PDK4: variants seen among roughly 807,000 people sequenced by gnomAD.
PDK4 encodes pyruvate dehydrogenase kinase, isozyme 4.
PDK4 carries 43 observed loss-of-function variants against 51.7 expected under a neutral mutation model. The observed-to-expected ratio is 0.83, with a 90% CI of 0.65 to 1.07. PDK4 has a LOEUF of 1.07. PDK4 is among the 50% of genes least tolerant of loss of function. PDK4 has a pLI of 0.00. For synonymous variants in PDK4, 170 were observed against 176.6 expected (o/e 0.96, Z 0.30); for missense variants, 498 against 503.5 (o/e 0.99, Z 0.10).
intron 2 of PDK4, chr7:95,594,813 T>C (rs1042128736): frequency 7.6e-5 from 26 of 343,278 alleles, no homozygotes; most frequent in Non-Finnish European, 1.3e-4. Flanking sequence ...TATAAAGTAA[T>C]CTACTTTTTC....
At position 95,585,719 on chromosome 7, in the gene PDK4, A is replaced by G. The variant is rs758770873; in HGVS notation, c.1158T>C (p.Tyr386=). 2 of 1,610,182 alleles carry G rather than the reference A, an allele frequency of 1.2e-6. No individual in the cohort carries two copies. The highest frequency in any genetic ancestry group is 1.1e-5 in the South Asian group (1 of 90,740). ...PVFNKSAFKH[Y]QMSSEADDWC... ...AGTCATCAGCCTCAGAGCTCATCTG[A>G]TAATGTTTGAAGGCTGACTTGTTAA... The change falls in exon 11 of 11, where the codon TAT becomes TAC. Residue 386 remains tyrosine, a synonymous_variant. Coordinates refer to ENST00000005178, the MANE Select transcript of PDK4 (RefSeq NM_002612.4).
intron 6 of PDK4, among the ~76,000 whole-genome samples, chr7:95,590,679 T>C (rs1791541968): frequency 6.6e-6 from 1 of 152,230 alleles, no homozygotes; most frequent in Non-Finnish European, 1.5e-5. Flanking sequence ...CCTAATCTGT[T>C]AGGCTACTCT....
At chr7:95,593,828 G>A in intron 2 of PDK4, 58 bp from the exon 3 acceptor site, 2 of 721,820 alleles carry the variant, frequency 2.8e-6, no homozygotes, top group African/African-American at 1.8e-5. Context: ...ACAAATGGCT[G>A]AAAATAGAAT....
intron 1 of PDK4, 99 bp from the exon 2 acceptor site, chr7:95,595,263 A>G (rs1426253124): frequency 1.4e-6 from 1 of 711,650 alleles, no homozygotes; most frequent in Non-Finnish European, 2.2e-6. Flanking sequence ...CATATATTAT[A>G]AAATTATATT....
chr7:95,586,943 G>T, intron 10 of PDK4, 67 bp downstream of exon 10: 1 of 854,824 alleles, frequency 1.2e-6, no homozygotes, highest in Non-Finnish European at 2.0e-6. Flanking sequence ...CCAGACCATA[G>T]CACTCAAGGC....
At chr7:95,593,338 A>G (rs1442757559) in intron 3 of PDK4, among the ~76,000 whole-genome samples, 1 of 152,132 alleles carries the variant, frequency 6.6e-6, no homozygotes, top group Non-Finnish European at 1.5e-5. Context: ...TTATTTAGGT[A>G]GCTAGAAACT....
chr7:95,591,980 T>G lies in PDK4; in HGVS notation c.694+8A>C. 7 of 1,363,036 alleles carry G rather than the reference T, an allele frequency of 5.1e-6. No individual in the cohort carries two copies. Among genetic ancestry groups the G allele is most frequent in the Non-Finnish European group, 7.2e-6 (7 of 974,056 alleles). 84.4% of individuals were successfully genotyped at this position (1,363,036 alleles called of 1,614,324 possible). Reference sequence around the variant, plus strand: ...CACAGGTTAAAATATATTTTACTTATAACTTACCATTCACTTGTGTAAGCT... The same window carrying G: ...CACAGGTTAAAATATATTTTACTTAGAACTTACCATTCACTTGTGTAAGCT... On this transcript the variant is annotated splice_region_variant and intron_variant, in intron 6 of 10. Transcript: ENST00000005178.
In PDK4 at chr7:95,592,441, C is replaced by T. The variant is rs929830963; in HGVS notation, c.616+70G>A. 3.8e-5 allele frequency: 34 copies of T among 884,762 alleles called. No homozygotes were observed. The African/African-American group carries it at 4.6e-4, about 12-fold the overall frequency. 54.8% of individuals were successfully genotyped at this position (884,762 alleles called of 1,614,324 possible). The stretch of plus-strand genomic sequence containing the variant: ...AATATAAATTCATTCACAGAGTCAC[C>T]TCAATTATAGATATGTCAATCATAT... On this transcript the variant is annotated intron_variant, in intron 5 of 10. Coordinates refer to ENST00000005178, the MANE Select transcript of PDK4 (RefSeq NM_002612.4).
rs185071184 is a variant in PDK4, at chr7:95,584,903, C to T, written c.*738G>A. ...TGCACATCTAACAATTCACTCAAGA[C>T]TAGGCACCTGACAATAAGTGTTTAC... is the stretch of plus-strand genomic sequence containing the variant. On this transcript the variant is annotated 3_prime_UTR_variant, in exon 11 of 11. Transcript: ENST00000005178. 1 of 152,752 alleles carries T rather than the reference C, an allele frequency of 6.5e-6. No individual in the cohort carries two copies. The highest frequency in any genetic ancestry group is 1.9e-4 in the East Asian group (1 of 5,180). The allele number at this position is 152,752 out of a possible 1,614,324, so 9.5% of individuals were successfully genotyped here.
intron 7 of PDK4, among the ~76,000 whole-genome samples, chr7:95,588,737 G>A (rs553209902): frequency 1.3e-5 from 2 of 152,260 alleles, no homozygotes; most frequent in African/African-American, 4.8e-5. Context: ...GGACTCTTGG[G>A]AAGCATCAAA....
intron 2 of PDK4, among the ~76,000 whole-genome samples, chr7:95,594,057 C>A (rs1317629234): frequency 6.6e-6 from 1 of 152,100 alleles, no homozygotes; most frequent in East Asian, 1.9e-4. Context: ...TTTCTTCTAG[C>A]AATAATACTT....
intron 1 of PDK4, 145 bp downstream of exon 1, chr7:95,596,019 T>G: frequency 1.2e-6 from 1 of 842,580 alleles, no homozygotes; most frequent in South Asian, 2.2e-5. Context: ...AAAGGAAAGG[T>G]GTGCTGGCGT....
chr7:95,590,808 T>A (rs191399262), intron 6 of PDK4, among the ~76,000 whole-genome samples: 96 of 152,264 alleles, frequency 6.3e-4, no homozygotes, highest in African/African-American at 2.0e-3. Flanking sequence ...AAGTATACTG[T>A]TTTGTTTTAA....
chr7:95,596,202 C>T lies in PDK4; in HGVS notation c.92G>A (p.Ser31Asn), dbSNP rs1433629206. 1 of 1,605,094 alleles carries T rather than the reference C, an allele frequency of 6.2e-7. No individual in the cohort carries two copies. The highest frequency in any genetic ancestry group is 8.5e-7 in the Non-Finnish European group (1 of 1,176,000). The change falls in exon 1 of 11, where the codon AGC (serine) becomes AAC (asparagine). Residue 31 changes from serine to asparagine, a missense_variant. Transcript: ENST00000005178. ...PREVEHFSRY[S>N]PSPLSMKQLL... is the part of the protein sequence containing the mutation. The stretch of plus-strand genomic sequence containing the variant: ...CTGCTTCATGGACAGCGGGGACGGG[C>T]TGTAGCGCGAGAAATGCTCCACCTC...
In PDK4 at chr7:95,589,722, A is replaced by C. The variant is rs746612085; in HGVS notation, c.695-6T>G. ...TGGTTGGTCTGGAAATTTTCCTAGAAAAATAAAATTCATTAAGAATTTGTA... is the reference window on the plus strand; with the variant it reads ...TGGTTGGTCTGGAAATTTTCCTAGACAAATAAAATTCATTAAGAATTTGTA... On this transcript the variant is annotated splice_polypyrimidine_tract_variant and splice_region_variant and intron_variant, in intron 6 of 10. Coordinates refer to ENST00000005178, the MANE Select transcript of PDK4 (RefSeq NM_002612.4). 2 of 1,475,830 alleles carry C rather than the reference A, an allele frequency of 1.4e-6. No homozygotes were observed. The highest frequency in any genetic ancestry group is 1.9e-6 in the Non-Finnish European group (2 of 1,056,120). 91.4% of individuals were successfully genotyped at this position (1,475,830 alleles called of 1,614,324 possible).
chr7:95,589,488 G>C, intron 7 of PDK4, 152 bp downstream of exon 7: 1 of 472,944 alleles, frequency 2.1e-6, no homozygotes, highest in Non-Finnish European at 3.8e-6. Flanking sequence ...GTCAAACATT[G>C]ACTGTATAGT....
chr7:95,586,680 A>G, intron 10 of PDK4: 1 of 190,844 alleles, frequency 5.2e-6, no homozygotes, highest in South Asian at 1.6e-4. Flanking sequence ...TAAGTAAAAT[A>G]AAAGCACAGC....
At position 95,595,196 on chromosome 7, in the gene PDK4, A is replaced by G. The variant is rs776600435; in HGVS notation, c.131-32T>C. On this transcript the variant is annotated intron_variant, in intron 1 of 10. Coordinates refer to ENST00000005178, the MANE Select transcript of PDK4 (RefSeq NM_002612.4). ...TAAATGAAATCAATTTAGTTTTGAG[A>G]AAAAGTGTGTCTAAATGATATATCT... The G allele has an allele frequency of 3.3e-6, 5 of 1,512,504 alleles. No individual in the cohort carries two copies. In the African/African-American group the frequency reaches 4.1e-5, roughly 12 times the overall value. 93.7% of individuals were successfully genotyped at this position (1,512,504 alleles called of 1,614,324 possible). A position where few individuals can be genotyped will look rare whatever the true frequency, so the allele number is the denominator to read the frequency against.
In PDK4 at chr7:95,595,118, T is replaced by C. The variant is rs1379167797; in HGVS notation, c.177A>G (p.Gln59=). 2.5e-6 allele frequency: 4 copies of C among 1,613,158 alleles called. No homozygotes were observed. In the African/African-American group the frequency reaches 5.3e-5, roughly 22 times the overall value. ...CERTSFAFLR[Q]ELPVRLANIL... ...TGTTGGCGAGTCTCACAGGCAATTC[T>C]TGTCGCAAAAATGCAAAAGAAGTTC... The change falls in exon 2 of 11, where the codon CAA becomes CAG. Residue 59 remains glutamine, a synonymous_variant. Transcript: ENST00000005178.
Sources: allele counts gnomAD v4.1 joint callset (sites outside exome capture counted in the v4.1 genomes callset), GRCh38; gene constraint gnomAD v4.1.1; transcripts MANE v1.5; gene names NCBI Gene and HGNC (gene_info 2026-07-23, HGNC 2026-07-21).